The following TTLL12 variants were observed in gnomAD, a reference collection of about 807,000 sequenced individuals.
TTLL12 encodes the protein tubulin--tyrosine ligase-like protein 12.
Under a neutral mutation model 79.6 loss-of-function variants are expected in TTLL12, and 77 were observed. The ratio of observed to expected loss-of-function variants is 0.97; its 90% CI spans 0.81 to 1.17. The LOEUF (loss-of-function observed/expected upper bound fraction) is 1.17, where lower values mean the gene tolerates loss of function less well. TTLL12 is among the 50% of genes most tolerant of loss of function. The pLI is 0.00. For missense variants in TTLL12, 969 were observed against 895.9 expected, an observed-to-expected ratio of 1.08 and a Z score of -1.04; for synonymous variants, 437 against 376.1, an observed-to-expected ratio of 1.16 and a Z score of -1.87.
chr22:43,171,421 C>A (rs368846051), intron 11 of TTLL12, among the ~76,000 whole-genome samples: 41 of 152,238 alleles, frequency 2.7e-4, no homozygotes, highest in African/African-American at 8.7e-4. Context: ...GGGTCACGGG[C>A]CAGCAGCCAG....
chr22:43,185,127 C>A (rs1932146452), intron 1 of TTLL12, among the ~76,000 whole-genome samples: 1 of 151,478 alleles, frequency 6.6e-6, no homozygotes, highest in African/African-American at 2.4e-5. Flanking sequence ...ACTCGGGAGG[C>A]TGAGGCAGGA....
chr22:43,176,877 T>G (rs1236889339), intron 5 of TTLL12, among the ~76,000 whole-genome samples: 1 of 151,928 alleles, frequency 6.6e-6, no homozygotes, highest in Non-Finnish European at 1.5e-5. Flanking sequence ...ACCCCAGGAT[T>G]CTGGGGCTCC....
intron 5 of TTLL12, among the ~76,000 whole-genome samples, chr22:43,176,631 G>A (rs1931921014): frequency 6.7e-6 from 1 of 150,164 alleles, no homozygotes; most frequent in African/African-American, 2.4e-5. Context: ...TCGGGAGGCT[G>A]AGGCAGGAGA....
chr22:43,178,084 C>T (rs77808662), intron 5 of TTLL12, among the ~76,000 whole-genome samples: 4,762 of 152,280 alleles, frequency 0.031, 161 homozygotes, highest in South Asian at 0.095. Context: ...CCAGTTGCAT[C>T]CACGAAGGCA....
rs1277275363 is a variant in TTLL12, at chr22:43,183,086, C to T, written c.241G>A (p.Glu81Lys). 2 of 1,614,018 alleles carry T rather than the reference C, an allele frequency of 1.2e-6. No individual in the cohort carries two copies. The highest frequency in any genetic ancestry group is 2.2e-5 in the East Asian group (1 of 44,876). The part of the protein sequence containing the change: ...QVEEVEEEED[E>K]AAREVRKQQP... ...TGCTTCCGCACCTCCCGGGCTGCCT[C>T]GTCCTCCTCCTCTTCTACCTCCTCC... The change falls in exon 2 of 14, where the codon GAG becomes AAG. Residue 81 changes from glutamate (E) to lysine (K), a missense_variant. Glu to Lys is a moderately conservative substitution (Grantham distance 56, BLOSUM62 1). Transcript: ENST00000216129.
intron 1 of TTLL12, among the ~76,000 whole-genome samples, chr22:43,185,250 TATATATATATATA>T (rs1932151238): frequency 6.0e-3 from 2 of 334 alleles, no homozygotes; most frequent in Admixed American, 0.033. Context: ...AAAAAAATTA[TATATATATATATA>T]TATATATATA....
At position 43,168,818 on chromosome 22, in the gene TTLL12, A is replaced by T; in HGVS notation, c.1739T>A (p.Met580Lys). Reference sequence around the variant, plus strand: ...CTTCAGCATGAGGTCGACGGCATACATGGCCCGGGATGAGGGGTAGTCGCA... The same window carrying T: ...CTTCAGCATGAGGTCGACGGCATACTTGGCCCGGGATGAGGGGTAGTCGCA... Reference protein sequence around the residue: ...GLCDYPSSRAMYAVDLMLKWD... With the variant: ...GLCDYPSSRAKYAVDLMLKWD... Residue 580 changes from methionine to lysine, a missense_variant, in exon 13 of 14, where the codon ATG becomes AAG. Transcript: ENST00000216129. The T allele has an allele frequency of 6.3e-7, 1 of 1,587,534 alleles. No individual in the cohort carries two copies. The highest frequency in any genetic ancestry group is 8.6e-7 in the Non-Finnish European group (1 of 1,167,534).
chr22:43,171,940 G>T (rs773821253), intron 10 of TTLL12, 40 bp from the exon 11 acceptor site: 1 of 1,586,070 alleles, frequency 6.3e-7, no homozygotes, highest in South Asian at 1.1e-5. Flanking sequence ...GTTCTTGAGC[G>T]GCCTTGTCCC....
At chr22:43,182,658 G>T (rs1569487143) in intron 2 of TTLL12, among the ~76,000 whole-genome samples, 1 of 152,170 alleles carries the variant, frequency 6.6e-6, no homozygotes, top group Admixed American at 6.5e-5. Flanking sequence ...GGAGGAGTAA[G>T]GCTGACCTGC....
chr22:43,186,191 C>CCCG (rs1555982106), intron 1 of TTLL12, among the ~76,000 whole-genome samples: 5 of 130,970 alleles, frequency 3.8e-5, no homozygotes, highest in African/African-American at 1.7e-4. Context: ...AAGAAAACAC[C>CCCG]CCCCCCCCCG....
rs1002768450 is a variant in TTLL12, at chr22:43,169,554, C to T, written c.1590G>A (p.Glu530=). ...ATTGCTTCTCAAACTCGGGGATGAA[C>T]TCTTCACAGTGCACCTGCAACAGAC... ...DVVLKQVHCE[E]FIPEFEKQYP... The change falls in exon 12 of 14, where the codon GAG becomes GAA. Residue 530 remains glutamate, a synonymous_variant. Transcript: ENST00000216129. 1 of 1,613,150 alleles carries T rather than the reference C, an allele frequency of 6.2e-7. No homozygotes were observed. The highest frequency in any genetic ancestry group is 1.3e-5 in the African/African-American group (1 of 75,044).
intron 10 of TTLL12, among the ~76,000 whole-genome samples, chr22:43,172,183 A>G (rs1931783045): frequency 6.6e-6 from 1 of 152,214 alleles, no homozygotes; most frequent in Non-Finnish European, 1.5e-5. Flanking sequence ...GAATGTTCAC[A>G]TCCATTACTG....
chr22:43,184,751 G>A (rs1159760600), intron 1 of TTLL12, among the ~76,000 whole-genome samples: 1 of 152,202 alleles, frequency 6.6e-6, no homozygotes, highest in Non-Finnish European at 1.5e-5. Flanking sequence ...AGGGGACAGC[G>A]TGAGGCTGAG....
chr22:43,167,860 G>T lies in TTLL12; in HGVS notation c.*148C>A, dbSNP rs532998163. ...TGCTGTGCTCCCGGAGTGTGGCGCC[G>T]GGAGGATGGCTCGGCAGGACAGAGG... On this transcript the variant is annotated 3_prime_UTR_variant, in exon 14 of 14. Coordinates refer to ENST00000216129, the MANE Select transcript of TTLL12 (RefSeq NM_015140.4). The T allele has an allele frequency of 1.0e-6, 1 of 1,002,106 alleles. No homozygotes were observed. Among genetic ancestry groups the T allele is most frequent in the South Asian group, 1.6e-5 (1 of 63,724 alleles). 62.1% of individuals were successfully genotyped at this position (1,002,106 alleles called of 1,614,324 possible). A position where few individuals can be genotyped will look rare whatever the true frequency, so the allele number is the denominator to read the frequency against.
intron 1 of TTLL12, chr22:43,185,935 A>C (rs1932172178): frequency 1.0e-6 from 1 of 983,940 alleles, no homozygotes; most frequent in South Asian, 4.7e-5. Context: ...TCTCTGTTAC[A>C]CTGTAGCATA....
In TTLL12 at chr22:43,166,982, T is replaced by C; in HGVS notation, c.*1026A>G. 3.0e-6 allele frequency: 1 copy of C among 330,310 alleles called. No homozygotes were observed. Among genetic ancestry groups the C allele is most frequent in the Non-Finnish European group, 6.0e-6 (1 of 167,898 alleles). 20.5% of individuals were successfully genotyped at this position (330,310 alleles called of 1,614,324 possible). ...GCCCGTGAGCTGGGCCCAGGCACACTGCAGCCACACAAAAACGCTGGCAGC... is the reference window on the plus strand; with the variant it reads ...GCCCGTGAGCTGGGCCCAGGCACACCGCAGCCACACAAAAACGCTGGCAGC... On this transcript the variant is annotated 3_prime_UTR_variant, in exon 14 of 14. Transcript: ENST00000216129.
At chr22:43,183,289 T>G in intron 1 of TTLL12, 140 bp from the exon 2 acceptor site, 1 of 1,016,590 alleles carries the variant, frequency 9.8e-7, no homozygotes, top group Non-Finnish European at 1.4e-6. Context: ...TGGGACCTGT[T>G]TAATGCAACC....
Position 43,183,046 on chromosome 22 carries a change from C to G in TTLL12, c.281G>C (p.Gly94Ala), listed in dbSNP as rs988542783. Residue 94 changes from glycine to alanine, a missense_variant, in exon 2 of 14, where the codon GGG (glycine) becomes GCG (alanine). Physicochemically the swap from Gly to Ala is moderately conservative, Grantham distance 60. Coordinates refer to ENST00000216129, the MANE Select transcript of TTLL12 (RefSeq NM_015140.4). ...GATGACCTTGTAGCACAGCTCGTTC[C>G]CCGGGTTGGGCTGCTGCTTCCGCAC... Reference protein sequence around the residue: ...REVRKQQPNPGNELCYKVIVT... With the variant: ...REVRKQQPNPANELCYKVIVT... The G allele has an allele frequency of 7.4e-6, 12 of 1,613,998 alleles. No individual in the cohort carries two copies. Among genetic ancestry groups the G allele is most frequent in the African/African-American group, 2.7e-5 (2 of 75,044 alleles).
chr22:43,183,631 G>C (rs1233289103), intron 1 of TTLL12, among the ~76,000 whole-genome samples: 1 of 152,244 alleles, frequency 6.6e-6, no homozygotes, highest in Non-Finnish European at 1.5e-5. Context: ...TCAACTCACA[G>C]AGAAGCCTCC....
Sources: gnomAD v4.1 joint callset for allele counts (sites outside exome capture counted in the v4.1 genomes callset) on GRCh38, gnomAD v4.1.1 for gene constraint, MANE v1.5 for transcripts, NCBI Gene and HGNC (gene_info 2026-07-23, HGNC 2026-07-21) for gene names.